Variants in ZNF106 observed in about 807,000 individuals in gnomAD.
The protein encoded by ZNF106 is zinc finger protein 106.
In ZNF106, 67 loss-of-function variants were observed where a neutral mutation model predicts 195.1. The observed-to-expected ratio is 0.34, with a 90% CI of 0.28 to 0.42. The LOEUF (loss-of-function observed/expected upper bound fraction) is 0.42. Among genes scored for constraint, ZNF106 ranks in the 10% least tolerant of loss-of-function variants. The probability of loss-of-function intolerance (pLI) is 1.00; values close to 1 mark genes in which losing one functional copy is unlikely to be tolerated. For missense variants in ZNF106, 2,118 were observed against 2,304.5 expected (o/e 0.92, Z 1.66); for synonymous variants, 784 against 818.6 (o/e 0.96, Z 0.72).
chr15:42,437,131 C>T, intron 13 of ZNF106, 101 bp downstream of exon 13: 7 of 1,307,792 alleles, frequency 5.4e-6, no homozygotes, highest in Non-Finnish European at 7.3e-6. Flanking sequence ...CCCACCCCTT[C>T]CTTCAGACAG....
chr15:42,419,229 G>A (rs1384737899), intron 20 of ZNF106, among the ~76,000 whole-genome samples: 2 of 152,034 alleles, frequency 1.3e-5, no homozygotes, highest in Non-Finnish European at 2.9e-5. Context: ...TCAGCCAGGC[G>A]TGTGGCATGT....
chr15:42,453,276 G>A (rs1398798437), intron 4 of ZNF106, among the ~76,000 whole-genome samples: 1 of 152,166 alleles, frequency 6.6e-6, no homozygotes, highest in Non-Finnish European at 1.5e-5. Flanking sequence ...CAAACAAGTA[G>A]TAACCATAAT....
intron 4 of ZNF106, among the ~76,000 whole-genome samples, chr15:42,455,196 G>T (rs139563535): frequency 6.6e-6 from 1 of 152,248 alleles, no homozygotes; most frequent in East Asian, 1.9e-4. Context: ...TGAGTGTCCC[G>T]TATCTGAAAT....
intron 2 of ZNF106, among the ~76,000 whole-genome samples, chr15:42,469,720 C>T (rs1348846589): frequency 1.3e-5 from 2 of 151,880 alleles, no homozygotes; most frequent in Non-Finnish European, 2.9e-5. Flanking sequence ...TGCCTGTAGT[C>T]CCAGCTACTC....
At chr15:42,428,812 G>A (rs892691802) in intron 14 of ZNF106, among the ~76,000 whole-genome samples, 13 of 152,064 alleles carry the variant, frequency 8.5e-5, no homozygotes, top group African/African-American at 2.7e-4. Context: ...CGCCCAGGCT[G>A]GAGTGCAGTG....
Position 42,415,493 on chromosome 15 carries a change from A to G in ZNF106, c.*1811T>C, listed in dbSNP as rs1046025622. On this transcript the variant is annotated 3_prime_UTR_variant, in exon 22 of 22. Transcript: ENST00000564754. ...GAGCCTTTCCTGGAAAAAAGAACAC[A>G]TACTCAGTCTCACACACAATTTCTG... The G allele has an allele frequency of 4.4e-6, 2 of 455,188 alleles. No individual in the cohort carries two copies. The highest frequency in any genetic ancestry group is 4.0e-5 in the African/African-American group (2 of 49,890). 28.2% of individuals were successfully genotyped at this position (455,188 alleles called of 1,614,324 possible). A position where few individuals can be genotyped will look rare whatever the true frequency, so the allele number is the denominator to read the frequency against.
Position 42,450,034 on chromosome 15 carries a change from G to A in ZNF106, c.2238C>T (p.Gly746=). ...GATCCCTCTGAAGTGAGGCAGGAAA[G>A]CCAAGCTTACTTAGTTCAGGCAGGA... ...GPLLPELSKL[G]FPASLQRDLT... Residue 746 remains glycine (G), a synonymous_variant, in exon 5 of 22, where the codon GGC becomes GGT. Coordinates refer to ENST00000564754, the MANE Select transcript of ZNF106 (RefSeq NM_001366845.3). The A allele has an allele frequency of 1.2e-6, 2 of 1,614,198 alleles. No homozygotes were observed. Among genetic ancestry groups the A allele is most frequent in the East Asian group, 2.2e-5 (1 of 44,882 alleles).
At chr15:42,488,530 C>T (rs1461801709) in intron 1 of ZNF106, among the ~76,000 whole-genome samples, 2 of 152,094 alleles carry the variant, frequency 1.3e-5, no homozygotes, top group African/African-American at 4.8e-5. Context: ...TCATATGTAA[C>T]TTGTCTGCCC....
At position 42,451,347 on chromosome 15, in the gene ZNF106, C is replaced by T; in HGVS notation, c.925G>A (p.Asp309Asn). The T allele has an allele frequency of 3.7e-6, 6 of 1,613,800 alleles. No individual in the cohort carries two copies. The highest frequency in any genetic ancestry group is 5.1e-6 in the Non-Finnish European group (6 of 1,179,738). ...DRYNWQRQEN[D>N]KLGTVATYRG... ...TATGTGGCAACTGTACCAAGTTTGT[C>T]ATTTTCTTGCCGCTGCCAATTATAT... Residue 309 changes from aspartate (D) to asparagine (N), a missense_variant, in exon 5 of 22, where the codon GAC becomes AAC. By Grantham distance (23) the Asp-to-Asn change is conservative (BLOSUM62 1). Coordinates refer to ENST00000564754, the MANE Select transcript of ZNF106 (RefSeq NM_001366845.3).
intron 8 of ZNF106, 147 bp from the exon 9 acceptor site, chr15:42,444,409 C>A (rs768129248): frequency 1.6e-6 from 1 of 627,934 alleles, no homozygotes; most frequent in South Asian, 2.1e-5. Flanking sequence ...CTCCAGCAGG[C>A]TTGAACCCTA....
chr15:42,460,062 A>G (rs1458340770), intron 3 of ZNF106, among the ~76,000 whole-genome samples: 2 of 151,578 alleles, frequency 1.3e-5, no homozygotes, highest in South Asian at 4.1e-4. Flanking sequence ...AAAAAAGAAA[A>G]TATTTTTGTC....
At chr15:42,488,290 T>C (rs1253588989) in intron 1 of ZNF106, among the ~76,000 whole-genome samples, 1 of 152,164 alleles carries the variant, frequency 6.6e-6, no homozygotes, top group Non-Finnish European at 1.5e-5. Context: ...TTTTGCACCT[T>C]TTCTTTCTCA....
At chr15:42,462,668 T>C (rs1297454532) in intron 3 of ZNF106, among the ~76,000 whole-genome samples, 1 of 152,172 alleles carries the variant, frequency 6.6e-6, no homozygotes, top group Non-Finnish European at 1.5e-5. Flanking sequence ...CACCAACCAT[T>C]GAGTCTCCTC....
chr15:42,485,632 G>T (rs1228640882), intron 1 of ZNF106, among the ~76,000 whole-genome samples: 2 of 152,096 alleles, frequency 1.3e-5, no homozygotes, highest in Non-Finnish European at 2.9e-5. Flanking sequence ...TCCAGGGTTG[G>T]TTTCTACCTT....
At chr15:42,447,583 A>G (rs1467556168) in intron 6 of ZNF106, among the ~76,000 whole-genome samples, 2 of 152,208 alleles carry the variant, frequency 1.3e-5, no homozygotes, top group African/African-American at 4.8e-5. Context: ...AGGACGAAGG[A>G]CAGAGTTACA....
At chr15:42,461,888 G>A (rs1026330375) in intron 3 of ZNF106, among the ~76,000 whole-genome samples, 3 of 152,146 alleles carry the variant, frequency 2.0e-5, no homozygotes, top group African/African-American at 4.8e-5. Flanking sequence ...GGTGAAGACC[G>A]TCCTTACAGT....
In ZNF106 at chr15:42,451,701, C is replaced by A. The variant is rs1009062876; in HGVS notation, c.571G>T (p.Ala191Ser). Reference protein sequence around the residue: ...RGRSGWHKGVAGGSSTWFHNH... With the variant: ...RGRSGWHKGVSGGSSTWFHNH... ...TGAAACCAAGTCGAGGAGCCTCCTG[C>A]AACACCCTTATGCCACCCGGAACGT... Residue 191 changes from alanine (A) to serine (S), a missense_variant, in exon 5 of 22, where the codon GCA (alanine) becomes TCA (serine). Coordinates refer to ENST00000564754, the MANE Select transcript of ZNF106 (RefSeq NM_001366845.3). The A allele has an allele frequency of 5.6e-6, 9 of 1,614,108 alleles. No individual in the cohort carries two copies. Among genetic ancestry groups the A allele is most frequent in the Non-Finnish European group, 7.6e-6 (9 of 1,180,052 alleles).
rs769474829 is a variant in ZNF106 at position 42,450,675 on chromosome 15, A to G, written c.1597T>C (p.Cys533Arg). 86 of 1,614,104 alleles carry G rather than the reference A, an allele frequency of 5.3e-5. No homozygotes were observed. The highest frequency in any genetic ancestry group is 6.6e-5 in the Non-Finnish European group (78 of 1,180,044). Residue 533 changes from cysteine to arginine, a missense_variant, in exon 5 of 22, where the codon TGT becomes CGT. Cys to Arg is a radical substitution (Grantham distance 180). Transcript: ENST00000564754. The part of the protein sequence containing the change: ...GPYISKLRSS[C>R]PHVLKGNKST... ...TTATTCCCTTTTAAAACATGAGGAC[A>G]TGAACTACGCAGTTTGGATATGTAA...
intron 13 of ZNF106, among the ~76,000 whole-genome samples, chr15:42,436,248 C>T (rs930260893): frequency 6.6e-6 from 1 of 152,014 alleles, no homozygotes; most frequent in African/African-American, 2.4e-5. Flanking sequence ...CCACTGTGCC[C>T]GGCCACTGGT....
Sources: gnomAD v4.1 joint callset for allele counts (sites outside exome capture counted in the v4.1 genomes callset) on GRCh38, gnomAD v4.1.1 for gene constraint, MANE v1.5 for transcripts, NCBI Gene and HGNC (gene_info 2026-07-23, HGNC 2026-07-21) for gene names.